Variants in SMG6 observed in about 807,000 individuals in gnomAD.
The protein encoded by SMG6 is telomerase-binding protein EST1A.
Under a neutral mutation model 142.2 loss-of-function variants are expected in SMG6, and 66 were observed. That is an observed-to-expected ratio of 0.46 (90% CI 0.38 to 0.57). The LOEUF is 0.57. Ranked by LOEUF, SMG6 falls within the 20% of genes least tolerant of loss-of-function variation. The pLI is 0.00. For missense variants in SMG6, 1,793 were observed against 1,832.0 expected (o/e 0.98, Z 0.39); for synonymous variants, 779 against 702.4 (o/e 1.11, Z -1.72).
At chr17:2,197,840 G>A (rs9900379) in intron 10 of SMG6, among the ~76,000 whole-genome samples, 54,578 of 151,926 alleles carry the variant, frequency 0.36, 10,024 homozygotes, top group Middle Eastern at 0.43. Flanking sequence ...CCAAATATTG[G>A]TAAGGATGCT....
chr17:2,084,732 C>T (rs2068510876), intron 14 of SMG6, among the ~76,000 whole-genome samples: 1 of 152,220 alleles, frequency 6.6e-6, no homozygotes, highest in Non-Finnish European at 1.5e-5. Context: ...TCCGTCCCTT[C>T]CCTTAGTCCC....
chr17:2,264,226 T>C (rs887745579), intron 8 of SMG6, among the ~76,000 whole-genome samples: 1 of 152,212 alleles, frequency 6.6e-6, no homozygotes, highest in Non-Finnish European at 1.5e-5. Context: ...CTCACGTACA[T>C]TCCAGTTGGC....
chr17:2,153,973 A>G (rs1344113837), intron 13 of SMG6, among the ~76,000 whole-genome samples: 1 of 118,006 alleles, frequency 8.5e-6, no homozygotes, highest in African/African-American at 3.4e-5. Context: ...GAACCTGGGG[A>G]TGCATGTAGA....
chr17:2,293,379 G>A (rs1299235636), intron 4 of SMG6, among the ~76,000 whole-genome samples: 1 of 152,110 alleles, frequency 6.6e-6, no homozygotes, highest in Non-Finnish European at 1.5e-5. Context: ...CTACTCTATA[G>A]GGTAACTGGA....
chr17:2,278,457 G>A (rs754386313), intron 8 of SMG6, among the ~76,000 whole-genome samples: 3 of 151,922 alleles, frequency 2.0e-5, no homozygotes, highest in South Asian at 2.1e-4. Flanking sequence ...GGCCCGCTTC[G>A]GCCTCCCAAA....
chr17:2,302,093 G>A (rs946530879), intron 1 of SMG6, among the ~76,000 whole-genome samples: 1 of 151,492 alleles, frequency 6.6e-6, no homozygotes, highest in Non-Finnish European at 1.5e-5. Context: ...TCTCTATAAC[G>A]TATACAAAAA....
intron 13 of SMG6, among the ~76,000 whole-genome samples, chr17:2,102,452 G>C (rs1209408313): frequency 6.6e-6 from 1 of 151,442 alleles, no homozygotes; most frequent in African/African-American, 2.4e-5. Context: ...CACTTCCCAG[G>C]CTCAAGTGAT....
chr17:2,268,047 T>A (rs1212644906), intron 8 of SMG6, among the ~76,000 whole-genome samples: 1 of 152,236 alleles, frequency 6.6e-6, no homozygotes, highest in South Asian at 2.1e-4. Context: ...GCACCCAGCC[T>A]TATTTATGTA....
At chr17:2,063,112 CCCTGG>C (rs1041469409) in intron 18 of SMG6, 1 of 152,170 alleles carries the variant, frequency 6.6e-6, no homozygotes, top group Admixed American at 6.5e-5. Context: ...ACTATTCCTG[CCCTGG>C]GCCTCAAACC....
chr17:2,200,600 A>G (rs2072490261), intron 10 of SMG6, among the ~76,000 whole-genome samples: 1 of 152,166 alleles, frequency 6.6e-6, no homozygotes, highest in East Asian at 1.9e-4. Flanking sequence ...TCCTGGCCTC[A>G]AGTGATCCTC....
At chr17:2,228,963 C>T (rs2073393247) in intron 10 of SMG6, among the ~76,000 whole-genome samples, 1 of 152,108 alleles carries the variant, frequency 6.6e-6, no homozygotes, top group African/African-American at 2.4e-5. Context: ...CCCCAGGCCA[C>T]AAAAAGTAGC....
intron 13 of SMG6, among the ~76,000 whole-genome samples, chr17:2,161,752 A>C (rs1484452155): frequency 6.6e-6 from 1 of 152,176 alleles, no homozygotes; most frequent in Non-Finnish European, 1.5e-5. Context: ...CTCTTCAAAG[A>C]CTCAAATTCT....
intron 10 of SMG6, among the ~76,000 whole-genome samples, chr17:2,189,211 C>A (rs535791790): frequency 6.6e-6 from 1 of 152,322 alleles, no homozygotes; most frequent in Non-Finnish European, 1.5e-5. Flanking sequence ...AATCCCAGTA[C>A]CCTCTTCCCG....
chr17:2,246,623 T>G (rs1443707932), intron 8 of SMG6, among the ~76,000 whole-genome samples: 2 of 152,054 alleles, frequency 1.3e-5, no homozygotes, highest in Non-Finnish European at 2.9e-5. Flanking sequence ...GCAAGGTGAG[T>G]CAGGGCCAGG....
chr17:2,145,643 CAAAAAAAA>C (rs61451940), intron 13 of SMG6, among the ~76,000 whole-genome samples: 2 of 23,774 alleles, frequency 8.4e-5, no homozygotes, highest in African/African-American at 3.1e-4. Context: ...TCCATCTCCC[CAAAAAAAA>C]AAAAAAAAAA....
intron 13 of SMG6, among the ~76,000 whole-genome samples, chr17:2,115,633 G>A (rs1459705120): frequency 2.0e-5 from 3 of 152,206 alleles, no homozygotes; most frequent in African/African-American, 4.8e-5. Context: ...ACCCAAGTGT[G>A]AATGGTAAAA....
intron 16 of SMG6, among the ~76,000 whole-genome samples, chr17:2,066,696 A>ACACACACACACACACAC (rs1555529730): frequency 1.1e-4 from 5 of 43,824 alleles, no homozygotes; most frequent in East Asian, 7.1e-4. Context: ...CACACACACA[A>ACACACACACACACACAC]TGCCCATGCT....
At chr17:2,093,053 G>T (rs141652546) in intron 13 of SMG6, among the ~76,000 whole-genome samples, 365 of 152,170 alleles carry the variant, frequency 2.4e-3, no homozygotes, top group African/African-American at 8.4e-3. Flanking sequence ...AAATTAGCTG[G>T]GTTAGTAGCG....
chr17:2,140,450 T>C (rs1320932887), intron 13 of SMG6, among the ~76,000 whole-genome samples: 1 of 152,140 alleles, frequency 6.6e-6, no homozygotes, highest in African/African-American at 2.4e-5. Context: ...GGTGGGTGGA[T>C]CCTGAGGTCA....
Sources: gnomAD v4.1 joint callset for allele counts (sites outside exome capture counted in the v4.1 genomes callset) on GRCh38, gnomAD v4.1.1 for gene constraint, MANE v1.5 for transcripts, NCBI Gene and HGNC (gene_info 2026-07-23, HGNC 2026-07-21) for gene names.